The following PNPLA7 variants were observed in gnomAD, a reference collection of about 807,000 sequenced individuals.
The protein encoded by PNPLA7 is patatin like domain 7, lysophospholipase, also known as patatin-like phospholipase domain-containing protein 7.
PNPLA7 carries 153 observed loss-of-function variants against 161.7 expected under a neutral mutation model. That is an observed-to-expected ratio of 0.95 (90% CI 0.83 to 1.08). The LOEUF is 1.08. Among genes scored for constraint, PNPLA7 ranks in the 50% least tolerant of loss-of-function variants. The pLI is 0.00. For synonymous variants in PNPLA7, 809 were observed against 782.1 expected, an observed-to-expected ratio of 1.03 and a Z score of -0.57; for missense variants, 1,739 against 1,856.6, an observed-to-expected ratio of 0.94 and a Z score of 1.16.
At position 137,500,744 on chromosome 9, in the gene PNPLA7, G is replaced by C; in HGVS notation, c.1704C>G (p.Val568=). The change falls in exon 16 of 35, where the codon GTC becomes GTG. Residue 568 remains valine, a synonymous_variant. Transcript: ENST00000406427. The surrounding 1 kb of genome is among the most constrained non-coding windows in gnomAD (Gnocchi z 5.5). ...VLTGEPLIFT[V]KANRDCSFLS... ...GGAAGCTGCAGTCCCTGTTGGCCTT[G>C]ACGGTGAAGATGAGAGGCTCCCCGG... is the stretch of plus-strand genomic sequence containing the variant. The C allele has an allele frequency of 6.2e-7, 1 of 1,612,514 alleles. No homozygotes were observed. The highest frequency in any genetic ancestry group is 8.5e-7 in the Non-Finnish European group (1 of 1,179,898).
At chr9:137,510,023 AAGAC>A (rs1564333897) in intron 12 of PNPLA7, among the ~76,000 whole-genome samples, 2 of 152,208 alleles carry the variant, frequency 1.3e-5, no homozygotes, top group African/African-American at 4.8e-5. Flanking sequence ...GAGTGACCAG[AAGAC>A]AAGAGTGCGA....
chr9:137,507,959 AAGGTGGAGG>A (rs1834008164), intron 12 of PNPLA7, among the ~76,000 whole-genome samples: 2 of 151,944 alleles, frequency 1.3e-5, no homozygotes, highest in Non-Finnish European at 2.9e-5. Context: ...TTCAGAGGCC[AAGGTGGAGG>A]CAGCGCTTGA....
At chr9:137,488,066 A>G (rs546642615) in intron 20 of PNPLA7, among the ~76,000 whole-genome samples, 3 of 152,290 alleles carry the variant, frequency 2.0e-5, no homozygotes, top group Admixed American at 1.3e-4. Flanking sequence ...GCACACACAC[A>G]CCAAAGTGCT....
At position 137,460,391 on chromosome 9, in the gene PNPLA7, C is replaced by T; in HGVS notation, c.*2G>A. 6.2e-7 allele frequency: 1 copy of T among 1,612,096 alleles called. No individual in the cohort carries two copies. Among genetic ancestry groups the T allele is most frequent in the East Asian group, 2.2e-5 (1 of 44,874 alleles). ...TGCATCCGGGCTCTTTAGCAGAGGCCTCTACCCGTCCTGGTCAGAGGAGCC... is the reference window on the plus strand; with the variant it reads ...TGCATCCGGGCTCTTTAGCAGAGGCTTCTACCCGTCCTGGTCAGAGGAGCC... On this transcript the variant is annotated 3_prime_UTR_variant, in exon 35 of 35. Transcript: ENST00000406427.
intron 9 of PNPLA7, among the ~76,000 whole-genome samples, chr9:137,522,299 C>T (rs987341436): frequency 6.7e-6 from 1 of 150,342 alleles, no homozygotes; most frequent in Non-Finnish European, 1.5e-5. Flanking sequence ...TGGTCTCGAT[C>T]TCCTGACCTC....
At chr9:137,535,509 C>CT (rs1278902592) in intron 8 of PNPLA7, among the ~76,000 whole-genome samples, 8 of 152,148 alleles carry the variant, frequency 5.3e-5, no homozygotes, top group Non-Finnish European at 1.0e-4. Flanking sequence ...AATCCCAGCA[C>CT]TTTGGGAGGC....
intron 19 of PNPLA7, among the ~76,000 whole-genome samples, chr9:137,493,786 G>T (rs1005133342): frequency 1.3e-5 from 2 of 152,224 alleles, no homozygotes; most frequent in African/African-American, 2.4e-5. Flanking sequence ...GAGTGGCCTG[G>T]CTCCCTGCTG....
chr9:137,542,641 C>A lies in PNPLA7; in HGVS notation c.666+1G>T. ...CCCCGCCCCGCCGCCCTGCGACTCA[C>A]AGTGTCCTGGATGCAGACCTCCAGC... On this transcript the variant is annotated splice_donor_variant, in intron 7 of 34. Coordinates refer to ENST00000406427, the MANE Select transcript of PNPLA7 (RefSeq NM_001098537.3). LOFTEE classifies it high-confidence loss of function. 1 of 1,590,422 alleles carries A rather than the reference C, an allele frequency of 6.3e-7. No homozygotes were observed. Among genetic ancestry groups the A allele is most frequent in the South Asian group, 1.1e-5 (1 of 89,872 alleles).
intron 25 of PNPLA7, among the ~76,000 whole-genome samples, chr9:137,473,050 A>C (rs973202188): frequency 1.3e-5 from 2 of 152,202 alleles, no homozygotes; most frequent in African/African-American, 2.4e-5. Context: ...GCAGAGGCAC[A>C]TCTTACATGG....
chr9:137,477,077 A>G (rs1831971875), intron 25 of PNPLA7, among the ~76,000 whole-genome samples: 1 of 152,220 alleles, frequency 6.6e-6, no homozygotes, highest in Non-Finnish European at 1.5e-5. Flanking sequence ...CCCAGAAGGC[A>G]GCCCTGGCCT....
chr9:137,516,410 C>A, intron 11 of PNPLA7: 1 of 985,138 alleles, frequency 1.0e-6, no homozygotes, highest in Non-Finnish European at 1.2e-6. Flanking sequence ...CACCCCCGGC[C>A]CTGGTCTCTG....
rs1835973123 is a variant in PNPLA7, at chr9:137,537,803, T to C, written c.747+2839A>G. On this transcript the variant is annotated intron_variant, in intron 8 of 34. Coordinates refer to ENST00000406427, the MANE Select transcript of PNPLA7 (RefSeq NM_001098537.3). This position sits in a 1 kb window ranked among gnomAD's most constrained non-coding sequence, Gnocchi z 4.5. ...GCACTGTGATAAGTGAGGCCCAACC[T>C]GAATATCACAACAAGATCAAGATCA... 1.3e-5 allele frequency among the ~76,000 whole-genome samples: 2 copies of C among 151,682 alleles called. No homozygotes were observed. Among genetic ancestry groups the C allele is most frequent in the South Asian group, 4.2e-4 (2 of 4,794 alleles).
intron 8 of PNPLA7, among the ~76,000 whole-genome samples, chr9:137,534,443 A>G (rs1228621810): frequency 2.0e-5 from 3 of 150,364 alleles, no homozygotes; most frequent in Admixed American, 6.6e-5. Context: ...CTCAGACAGG[A>G]GCACTCCCAG....
intron 4 of PNPLA7, among the ~76,000 whole-genome samples, chr9:137,544,571 G>C (rs1836385672): frequency 6.6e-6 from 1 of 152,202 alleles, no homozygotes. Flanking sequence ...ACTTAATGCG[G>C]ATGAGAACAG....
intron 25 of PNPLA7, among the ~76,000 whole-genome samples, chr9:137,473,988 C>T (rs532626900): frequency 1.3e-5 from 2 of 152,256 alleles, no homozygotes; most frequent in African/African-American, 2.4e-5. Flanking sequence ...CCTGTAATCC[C>T]GGCACTTTGT....
At chr9:137,525,406 C>T (rs1052351941) in intron 8 of PNPLA7, among the ~76,000 whole-genome samples, 2 of 152,214 alleles carry the variant, frequency 1.3e-5, no homozygotes, top group African/African-American at 2.4e-5. Context: ...GAATGCCTGG[C>T]TGCACTGTTA....
intron 14 of PNPLA7, among the ~76,000 whole-genome samples, chr9:137,502,730 G>GGGGGGACGC (rs1554767770): frequency 9.8e-5 from 4 of 40,990 alleles, no homozygotes; most frequent in African/African-American, 4.2e-4. Flanking sequence ...GCGGGGGACG[G>GGGGGGACGC]GGGGGACGAG....
At chr9:137,489,422 A>G (rs573230052) in intron 20 of PNPLA7, among the ~76,000 whole-genome samples, 9 of 152,352 alleles carry the variant, frequency 5.9e-5, no homozygotes, top group Admixed American at 5.2e-4. Context: ...TCAAAACATC[A>G]GGACACAAAA....
At chr9:137,488,543 A>G (rs749093482) in intron 20 of PNPLA7, among the ~76,000 whole-genome samples, 6 of 152,194 alleles carry the variant, frequency 3.9e-5, no homozygotes, top group Non-Finnish European at 8.8e-5. Flanking sequence ...AGAGGAAGGC[A>G]GGCTGGCCGG....
Sources: gnomAD v4.1 joint callset for allele counts (sites outside exome capture counted in the v4.1 genomes callset) on GRCh38, gnomAD v4.1.1 for gene constraint, Gnocchi (gnomAD v3.1) non-coding constraint, MANE v1.5 for transcripts, NCBI Gene and HGNC (gene_info 2026-07-23, HGNC 2026-07-21) for gene names.